DNAH1: variants seen among roughly 807,000 people sequenced by gnomAD.
The protein encoded by DNAH1 is dynein axonemal heavy chain 1.
A neutral mutation model predicts 484.3 loss-of-function variants in DNAH1; 327 were observed. The ratio of observed to expected loss-of-function variants is 0.68; its 90% CI spans 0.62 to 0.74. DNAH1 has a LOEUF of 0.74. Ranked by LOEUF, DNAH1 falls within the 30% of genes least tolerant of loss-of-function variation. DNAH1 has a pLI of 0.00. For missense variants in DNAH1, 5,052 were observed against 5,546.8 expected (o/e 0.91, Z 2.83); for synonymous variants, 2,192 against 2,191.9 (o/e 1.00, Z 0.00).
Position 52,352,660 on chromosome 3 carries a change from A to G in DNAH1, c.2980A>G (p.Met994Val), listed in dbSNP as rs746647120. 1.1e-5 allele frequency: 18 copies of G among 1,612,772 alleles called. No homozygotes were observed. The African/African-American group carries it at 1.7e-4, about 16-fold the overall frequency. ...KQLKDCQQLAMLYNNRERIFS... is the reference protein window; with the variant it reads ...KQLKDCQQLAVLYNNRERIFS... ...GCTGAAGGACTGCCAGCAGCTGGCC[A>G]TGCTCTACAACAACCGCGAGCGCAT... is the stretch of plus-strand genomic sequence containing the variant. The change falls in exon 18 of 78, where the codon ATG becomes GTG. Residue 994 changes from methionine to valine, a missense_variant. Met to Val is a conservative substitution (Grantham distance 21). Around this residue, in one of 4 missense-constraint regions of DNAH1, gnomAD observed 2,929 missense variants for 3,409.4 expected, o/e 0.86. Transcript: ENST00000420323.
intron 7 of DNAH1, among the ~76,000 whole-genome samples, chr3:52,331,846 G>A (rs781139255): frequency 7.9e-5 from 12 of 151,926 alleles, no homozygotes; most frequent in Non-Finnish European, 1.5e-4. Context: ...GGTTGGTCTC[G>A]AACTCCTGGC....
chr3:52,336,066 G>T (rs1701733678), intron 8 of DNAH1, among the ~76,000 whole-genome samples: 1 of 152,174 alleles, frequency 6.6e-6, no homozygotes, highest in Admixed American at 6.5e-5. Context: ...TCTGCAGGTT[G>T]TCTGTTTACT....
intron 41 of DNAH1, 74 bp downstream of exon 41, chr3:52,370,899 G>T (rs1335751641): frequency 7.0e-7 from 1 of 1,432,088 alleles, no homozygotes; most frequent in African/African-American, 1.4e-5. Context: ...AATGAATTAT[G>T]GCCACACAGG....
intron 32 of DNAH1, among the ~76,000 whole-genome samples, chr3:52,363,773 A>G (rs2153224450): frequency 6.6e-6 from 1 of 152,332 alleles, no homozygotes; most frequent in Non-Finnish European, 1.5e-5. Flanking sequence ...TCTCTGGGTC[A>G]CCTGCTCATC....
Position 52,327,077 on chromosome 3 carries a change from G to A in DNAH1, c.738+186G>A, listed in dbSNP as rs918959462. On this transcript the variant is annotated intron_variant, in intron 5 of 77. Coordinates refer to ENST00000420323, the MANE Select transcript of DNAH1 (RefSeq NM_015512.5). ...GAGCATCCTAGATGGGGCAGGTGGG[G>A]CCCCCAGCCCCCCTAGAATGCTGAG... 4.6e-5 allele frequency among the ~76,000 whole-genome samples: 7 copies of A among 151,000 alleles called. No individual in the cohort carries two copies. The South Asian group carries it at 1.1e-3, about 23-fold the overall frequency.
At chr3:52,398,229 G>T in intron 75 of DNAH1, 67 bp downstream of exon 75, 1 of 1,521,416 alleles carries the variant, frequency 6.6e-7, no homozygotes, top group African/African-American at 1.4e-5. Context: ...TGACAACAGG[G>T]GTTACTATGG....
chr3:52,317,881 C>A (rs1447844971), intron 1 of DNAH1: 2 of 152,254 alleles, frequency 1.3e-5, no homozygotes, highest in Non-Finnish European at 2.9e-5. Context: ...GCTGATGCAT[C>A]CCCGCACTGC....
rs779759080 is a variant in DNAH1, at chr3:52,396,912, C to T, written c.11655C>T (p.Val3885=). 3 of 1,606,954 alleles carry T rather than the reference C, an allele frequency of 1.9e-6. No individual in the cohort carries two copies. The South Asian group carries it at 3.3e-5, about 18-fold the overall frequency. The change falls in exon 73 of 78, where the codon GTC becomes GTT. Residue 3885 remains valine (V), a synonymous_variant. Transcript: ENST00000420323. ...GGGAGATCAATTACGGGGGCCGTGT[C>T]ACTGATGACTGGGACCGGCGCTGCA... is the stretch of plus-strand genomic sequence containing the variant. ...TAGEINYGGR[V]TDDWDRRCIM...
At position 52,392,935 on chromosome 3, in the gene DNAH1, G is replaced by A. The variant is rs529294306; in HGVS notation, c.10384G>A (p.Asp3462Asn). 2.7e-5 allele frequency: 43 copies of A among 1,613,438 alleles called. No individual in the cohort carries two copies. The South Asian group carries it at 3.5e-4, about 13-fold the overall frequency. Residue 3462 changes from aspartate (D) to asparagine (N), a missense_variant, in exon 65 of 78, where the codon GAC becomes AAC. Around this residue, in one of 4 missense-constraint regions of DNAH1, gnomAD observed 2,929 missense variants for 3,409.4 expected, o/e 0.86. Transcript: ENST00000420323. Reference protein sequence around the residue: ...RTQILFFCVSDLANVDPMYQY... With the variant: ...RTQILFFCVSNLANVDPMYQY... Reference sequence around the variant, plus strand: ...CCAGATCCTCTTCTTCTGTGTGTCCGACCTGGCCAACGTGGACCCCATGTA... The same window carrying A: ...CCAGATCCTCTTCTTCTGTGTGTCCAACCTGGCCAACGTGGACCCCATGTA...
chr3:52,354,510 G>A (rs1432132348), intron 20 of DNAH1, among the ~76,000 whole-genome samples: 1 of 152,160 alleles, frequency 6.6e-6, no homozygotes. Context: ...GCACATGCCT[G>A]TAATCCCAGC....
At chr3:52,349,749 T>C (rs527383114) in intron 14 of DNAH1, among the ~76,000 whole-genome samples, 24 of 152,324 alleles carry the variant, frequency 1.6e-4, no homozygotes, top group African/African-American at 5.1e-4. Flanking sequence ...CCTGCGTGTG[T>C]TGGTAGGGCT....
rs778495054 is a variant in DNAH1 at position 52,361,641 on chromosome 3, A to G, written c.4875-20A>G. On this transcript the variant is annotated intron_variant, in intron 29 of 77. Transcript: ENST00000420323. This position sits in a 1 kb window ranked among gnomAD's most constrained non-coding sequence, Gnocchi z 5.6. ...GGCTCTGAACACATGTGCCCCATCC[A>G]ATGTTCCGGCCTCACTCAGTGCTGG... 6.3e-7 allele frequency: 1 copy of G among 1,584,424 alleles called. No homozygotes were observed. The highest frequency in any genetic ancestry group is 1.2e-5 in the South Asian group (1 of 86,656).
In DNAH1 at chr3:52,359,332, G is replaced by A. The variant is rs560651490; in HGVS notation, c.4353G>A (p.Glu1451=). The change falls in exon 26 of 78, where the codon GAG becomes GAA. Residue 1451 remains glutamate (E), a synonymous_variant. Transcript: ENST00000420323. ...CCTACTGGACCATGGAGGTGGCAGA[G>A]GCTCTGGAGGCCGGCAACCTCAGAA... ...CQTYWTMEVA[E]ALEAGNLRSQ... The A allele has an allele frequency of 3.5e-4, 550 of 1,569,794 alleles. 4 individuals carry two copies. In the South Asian group the frequency reaches 6.2e-3, roughly 18 times the overall value.
chr3:52,388,117 CCT>C (rs1329004126), intron 56 of DNAH1, 48 bp from the exon 57 acceptor site: 1 of 1,574,396 alleles, frequency 6.4e-7, no homozygotes, highest in East Asian at 2.3e-5. Flanking sequence ...GAGCCCTTCC[CCT>C]GTCACCCTTG....
chr3:52,396,122 A>G (rs1704612797), intron 70 of DNAH1, among the ~76,000 whole-genome samples: 1 of 151,916 alleles, frequency 6.6e-6, no homozygotes. Context: ...TTTAGTGGAG[A>G]TGGCATTTCA....
Position 52,358,759 on chromosome 3 carries a change from C to T in DNAH1, c.4266+22C>T, listed in dbSNP as rs1410406439. 5 of 1,610,672 alleles carry T rather than the reference C, an allele frequency of 3.1e-6. No homozygotes were observed. Among genetic ancestry groups the T allele is most frequent in the Middle Eastern group, 1.8e-4 (1 of 5,570 alleles). Reference sequence around the variant, plus strand: ...CACGGTGAGCCGCCCGCAGCCCGTGCAGCCTTCCACCCCTGCACCCCTCTG... The same window carrying T: ...CACGGTGAGCCGCCCGCAGCCCGTGTAGCCTTCCACCCCTGCACCCCTCTG... On this transcript the variant is annotated intron_variant, in intron 25 of 77. Coordinates refer to ENST00000420323, the MANE Select transcript of DNAH1 (RefSeq NM_015512.5). This position sits in a 1 kb window ranked among gnomAD's most constrained non-coding sequence, Gnocchi z 4.2.
chr3:52,397,832 G>A lies in DNAH1; in HGVS notation c.11913G>A (p.Gln3971=). 2 of 1,612,126 alleles carry A rather than the reference G, an allele frequency of 1.2e-6. No individual in the cohort carries two copies. Among genetic ancestry groups the A allele is most frequent in the South Asian group, 1.1e-5 (1 of 90,810 alleles). ...ETFALLGTII[Q]LQPKSSSAGS... is the part of the protein sequence containing the mutation. ...TCGCCCTCCTGGGCACCATCATCCA[G>A]CTGCAACCCAAATCATCTTCTGCAG... Residue 3971 remains glutamine (Q), a synonymous_variant, in exon 74 of 78, where the codon CAG becomes CAA. Coordinates refer to ENST00000420323, the MANE Select transcript of DNAH1 (RefSeq NM_015512.5).
At chr3:52,378,201 C>T (rs555566126) in intron 46 of DNAH1, among the ~76,000 whole-genome samples, 6 of 152,048 alleles carry the variant, frequency 3.9e-5, no homozygotes, top group Admixed American at 2.6e-4. Flanking sequence ...CCTCCCCACG[C>T]CCACTCCGGC....
In DNAH1 at chr3:52,346,669, A is replaced by C. The variant is rs374578700; in HGVS notation, c.1854A>C (p.Ser618=). ...CACTGCGCTTCCTGGTGCAGGACTC[A>C]CTTGCCAGCTTCTCACAGTTCATCA... ...QDTLRFLVQD[S]LASFSQFISD... Residue 618 remains serine, a synonymous_variant, in exon 11 of 78, where the codon TCA becomes TCC. Transcript: ENST00000420323. 2.1e-4 allele frequency: 338 copies of C among 1,614,054 alleles called. 4 individuals are homozygous for C. In the South Asian group the frequency reaches 3.5e-3, roughly 17 times the overall value.
Sources: gnomAD v4.1 joint callset for allele counts (sites outside exome capture counted in the v4.1 genomes callset) on GRCh38, gnomAD v4.1.1 for gene constraint, gnomAD v4.1.1 regional missense constraint, Gnocchi (gnomAD v3.1) non-coding constraint, MANE v1.5 for transcripts, NCBI Gene and HGNC (gene_info 2026-07-23, HGNC 2026-07-21) for gene names.